The following PDCL3 variants were observed in gnomAD, a reference collection of about 807,000 sequenced individuals.
PDCL3 encodes the protein phosducin-like protein 3.
In PDCL3, 22 loss-of-function variants were observed where a neutral mutation model predicts 26.5. That is an observed-to-expected ratio of 0.83 (90% CI 0.59 to 1.19). The LOEUF (loss-of-function observed/expected upper bound fraction) is 1.19, where lower values mean the gene tolerates loss of function less well. Ranked by LOEUF, PDCL3 falls within the 50% of genes most tolerant of loss-of-function variation. The probability of loss-of-function intolerance (pLI) is 0.00; values close to 1 mark genes in which losing one functional copy is unlikely to be tolerated. For missense variants in PDCL3, 246 were observed against 294.1 expected, an observed-to-expected ratio of 0.84 and a Z score of 1.20; for synonymous variants, 81 against 104.9, an observed-to-expected ratio of 0.77 and a Z score of 1.39.
rs200109003 is a variant in PDCL3, at chr2:100,571,786, C to T, written c.565C>T (p.Leu189=). Residue 189 remains leucine (L), a synonymous_variant, in exon 5 of 6, where the codon CTG becomes TTG. Coordinates refer to ENST00000264254, the MANE Select transcript of PDCL3 (RefSeq NM_024065.5). ...IGPLVFGGMN[L]TRDELEWKLS... is the part of the protein sequence containing the mutation. The stretch of plus-strand genomic sequence containing the variant: ...TCCTCTGGTGTTTGGCGGCATGAAC[C>T]TGACAAGAGATGGTAAGGGCTCTGG... The T allele has an allele frequency of 9.0e-5, 146 of 1,614,104 alleles. No homozygotes were observed. The East Asian group carries it at 3.0e-3, about 33-fold the overall frequency.
At chr2:100,567,980 G>A (rs1233150949) in intron 2 of PDCL3, among the ~76,000 whole-genome samples, 1 of 152,040 alleles carries the variant, frequency 6.6e-6, no homozygotes, top group Non-Finnish European at 1.5e-5. Flanking sequence ...GTGCCACCAC[G>A]CCTAGGTAAT....
intron 2 of PDCL3, among the ~76,000 whole-genome samples, chr2:100,568,593 A>G (rs1374711473): frequency 6.6e-6 from 1 of 152,194 alleles, no homozygotes; most frequent in Non-Finnish European, 1.5e-5. Flanking sequence ...AGATCGCACC[A>G]TTGCACTCCA....
At chr2:100,571,255 G>A (rs1262356902) in intron 4 of PDCL3, among the ~76,000 whole-genome samples, 1 of 151,870 alleles carries the variant, frequency 6.6e-6, no homozygotes, top group African/African-American at 2.4e-5. Context: ...CACCATCTTG[G>A]CCAGGCTGGT....
At position 100,576,559 on chromosome 2, in the gene PDCL3, G is replaced by A; in HGVS notation, c.*63G>A. The A allele has an allele frequency of 7.0e-7, 1 of 1,434,760 alleles. No homozygotes were observed. Among genetic ancestry groups the A allele is most frequent in the South Asian group, 1.5e-5 (1 of 64,662 alleles). The allele number at this position is 1,434,760 out of a possible 1,614,324, so 88.9% of individuals were successfully genotyped here. A position where few individuals can be genotyped will look rare whatever the true frequency, so the allele number is the denominator to read the frequency against. ...CAAATTGTCTGGATTTTTTAAAAAA[G>A]GAAAAAGCAAGAATGAATCCTTGTG... On this transcript the variant is annotated 3_prime_UTR_variant, in exon 6 of 6. Coordinates refer to ENST00000264254, the MANE Select transcript of PDCL3 (RefSeq NM_024065.5).
At chr2:100,574,441 CTT>C (rs879348667) in intron 5 of PDCL3, among the ~76,000 whole-genome samples, 19 of 142,824 alleles carry the variant, frequency 1.3e-4, no homozygotes, top group Admixed American at 4.2e-4. Flanking sequence ...TCGTGGAACA[CTT>C]TTTTTTTTTT....
chr2:100,564,064 C>T (rs968856586), intron 1 of PDCL3, among the ~76,000 whole-genome samples: 1 of 150,648 alleles, frequency 6.6e-6, no homozygotes, highest in African/African-American at 2.4e-5. Flanking sequence ...GGCGTGCACC[C>T]ACCACTCTGG....
chr2:100,569,026 G>C lies in PDCL3; in HGVS notation c.224+5G>C. Reference sequence around the variant, plus strand: ...ACGTGCTATTGAAATGTACAGGTAAGCGCCACCCAGAGGGGCTGTTTGTTT... The same window carrying C: ...ACGTGCTATTGAAATGTACAGGTAACCGCCACCCAGAGGGGCTGTTTGTTT... On this transcript the variant is annotated splice_donor_5th_base_variant and intron_variant, in intron 3 of 5. Coordinates refer to ENST00000264254, the MANE Select transcript of PDCL3 (RefSeq NM_024065.5). The C allele has an allele frequency of 6.2e-7, 1 of 1,602,226 alleles. No individual in the cohort carries two copies. The highest frequency in any genetic ancestry group is 2.2e-5 in the East Asian group (1 of 44,808).
At chr2:100,563,734 G>A (rs932597644) in intron 1 of PDCL3, among the ~76,000 whole-genome samples, 1 of 151,924 alleles carries the variant, frequency 6.6e-6, no homozygotes, top group Non-Finnish European at 1.5e-5. Context: ...CCATGGAAAT[G>A]GGCACTATTG....
chr2:100,572,683 A>G (rs1675202006), intron 5 of PDCL3, among the ~76,000 whole-genome samples: 1 of 147,356 alleles, frequency 6.8e-6, no homozygotes, highest in Admixed American at 6.8e-5. Flanking sequence ...ATGCCTGGCT[A>G]ATTTTTTTGT....
chr2:100,568,619 G>T (rs1675102274), intron 2 of PDCL3, among the ~76,000 whole-genome samples: 1 of 152,122 alleles, frequency 6.6e-6, no homozygotes, highest in Non-Finnish European at 1.5e-5. Context: ...GATGACAAGA[G>T]TGAAACTCTG....
In PDCL3 at chr2:100,571,695, T is replaced by A; in HGVS notation, c.474T>A (p.Tyr158Ter). ...TTTCAACAACCTGCATACCCAATTA[T>A]CCTGATAGGAATCTGCCCACGATAT... ...KAISTTCIPN[Y>*]PDRNLPTIFV... The change falls in exon 5 of 6, where the codon TAT (tyrosine) becomes TAA (stop). Residue 158 changes from tyrosine to a stop codon, truncating the protein, a stop_gained. Transcript: ENST00000264254. LOFTEE classifies it high-confidence loss of function. 6.2e-7 allele frequency: 1 copy of A among 1,613,834 alleles called. No individual in the cohort carries two copies. Among genetic ancestry groups the A allele is most frequent in the Non-Finnish European group, 8.5e-7 (1 of 1,179,966 alleles).
chr2:100,574,661 C>G (rs150244070), intron 5 of PDCL3, among the ~76,000 whole-genome samples: 1 of 152,314 alleles, frequency 6.6e-6, no homozygotes, highest in African/African-American at 2.4e-5. Flanking sequence ...CGTTATTATT[C>G]ACTGTAGTTA....
In PDCL3 at chr2:100,569,597, T is replaced by A; in HGVS notation, c.244T>A (p.Trp82Arg). 2 of 1,613,340 alleles carry A rather than the reference T, an allele frequency of 1.2e-6. No homozygotes were observed. The highest frequency in any genetic ancestry group is 1.1e-5 in the South Asian group (1 of 91,038). ...EMYRRRRLAE[W>R]KATKLKNKFG... ...GTGCAGACGGCGGAGACTGGCTGAG[T>A]GGAAAGCAACTAAACTGAAGAATAA... The change falls in exon 4 of 6, where the codon TGG becomes AGG. Residue 82 changes from tryptophan (W) to arginine (R), a missense_variant. Transcript: ENST00000264254.
At chr2:100,569,473 A>G (rs908379666) in intron 3 of PDCL3, 105 bp from the exon 4 acceptor site, 45 of 1,365,052 alleles carry the variant, frequency 3.3e-5, no homozygotes, top group African/African-American at 4.4e-5. Context: ...GATTTTTGCC[A>G]TAAGACCAAT....
At chr2:100,573,885 A>C (rs2104397404) in intron 5 of PDCL3, among the ~76,000 whole-genome samples, 1 of 152,310 alleles carries the variant, frequency 6.6e-6, no homozygotes, top group Admixed American at 6.5e-5. Flanking sequence ...TTCTAAAAAA[A>C]AGTCTTGAAG....
rs974743103 is a variant in PDCL3 at position 100,562,995 on chromosome 2, G to A, written c.-73G>A. 2 of 1,557,486 alleles carry A rather than the reference G, an allele frequency of 1.3e-6. No homozygotes were observed. The highest frequency in any genetic ancestry group is 1.4e-5 in the African/African-American group (1 of 73,630). On this transcript the variant is annotated 5_prime_UTR_variant, in exon 1 of 6. Transcript: ENST00000264254. ...GGGAAGAGGCGTGGCGGCGCTGTGCGCGTGCACAAAAGAGAGCTGAGGGGC... is the reference window on the plus strand; with the variant it reads ...GGGAAGAGGCGTGGCGGCGCTGTGCACGTGCACAAAAGAGAGCTGAGGGGC...
intron 5 of PDCL3, among the ~76,000 whole-genome samples, chr2:100,575,387 G>T (rs1037161528): frequency 3.3e-5 from 5 of 152,252 alleles, no homozygotes; most frequent in African/African-American, 9.6e-5. Flanking sequence ...CGCCCACCTT[G>T]GCCTCCCAAA....
At chr2:100,565,082 G>A (rs1238697149) in intron 1 of PDCL3, among the ~76,000 whole-genome samples, 1 of 152,176 alleles carries the variant, frequency 6.6e-6, no homozygotes, top group Non-Finnish European at 1.5e-5. Context: ...GCATGCCGCA[G>A]GCCGCTCTGC....
chr2:100,576,304 A>G (rs753459587), intron 5 of PDCL3, 50 bp from the exon 6 acceptor site: 1 of 1,581,204 alleles, frequency 6.3e-7, no homozygotes, highest in South Asian at 1.2e-5. Context: ...GGGCGAGGGA[A>G]CCTTTGCAGC....
Sources: allele counts gnomAD v4.1 joint callset (sites outside exome capture counted in the v4.1 genomes callset), GRCh38; gene constraint gnomAD v4.1.1; transcripts MANE v1.5; gene names NCBI Gene and HGNC (gene_info 2026-07-23, HGNC 2026-07-21).